Variants in SAMD7 observed in about 807,000 individuals in gnomAD.
SAMD7 encodes sterile alpha motif domain-containing protein 7.
In SAMD7, 34 loss-of-function variants were observed where a neutral mutation model predicts 36.7. The observed-to-expected ratio is 0.93, with a 90% CI of 0.71 to 1.23. SAMD7 has a LOEUF of 1.23. SAMD7 is among the 50% of genes most tolerant of loss of function. SAMD7 has a pLI of 0.00. For missense variants in SAMD7, 570 were observed against 546.6 expected, an observed-to-expected ratio of 1.04 and a Z score of -0.43; for synonymous variants, 188 against 189.7, an observed-to-expected ratio of 0.99 and a Z score of 0.07.
chr3:169,930,352 A>G (rs1247455508), intron 7 of SAMD7, among the ~76,000 whole-genome samples: 1 of 152,104 alleles, frequency 6.6e-6, no homozygotes, highest in Non-Finnish European at 1.5e-5. Flanking sequence ...CCATTAAAGT[A>G]TACTCCCTCC....
At chr3:169,929,687 T>C (rs1250458683) in intron 7 of SAMD7, among the ~76,000 whole-genome samples, 1 of 152,202 alleles carries the variant, frequency 6.6e-6, no homozygotes, top group Non-Finnish European at 1.5e-5. Context: ...TAATACATTT[T>C]CAGAGGATTT....
intron 8 of SAMD7, among the ~76,000 whole-genome samples, chr3:169,937,163 C>T (rs188302278): frequency 4.6e-4 from 70 of 152,220 alleles, no homozygotes; most frequent in African/African-American, 1.6e-3. Flanking sequence ...TTAGCCAACC[C>T]CAGCACGCCA....
chr3:169,929,757 T>C (rs1266625219), intron 7 of SAMD7, among the ~76,000 whole-genome samples: 3 of 152,220 alleles, frequency 2.0e-5, no homozygotes, highest in African/African-American at 7.2e-5. Flanking sequence ...ATTTCATCAT[T>C]ATACCCAAGA....
chr3:169,913,991 G>A (rs921058973), intron 1 of SAMD7, among the ~76,000 whole-genome samples: 4 of 152,076 alleles, frequency 2.6e-5, no homozygotes, highest in African/African-American at 9.7e-5. Flanking sequence ...AAGCAAATAG[G>A]GCAGTGCAAC....
At chr3:169,930,704 C>G (rs1234247278) in intron 7 of SAMD7, among the ~76,000 whole-genome samples, 1 of 151,606 alleles carries the variant, frequency 6.6e-6, no homozygotes, top group Non-Finnish European at 1.5e-5. Context: ...GCCTCAGCCT[C>G]CCGAGTAGCT....
intron 8 of SAMD7, among the ~76,000 whole-genome samples, 171 bp from the exon 9 acceptor site, chr3:169,938,147 T>A (rs1395946637): frequency 6.6e-6 from 1 of 152,072 alleles, no homozygotes; most frequent in Non-Finnish European, 1.5e-5. Context: ...ACACTATAAT[T>A]CTGAGAGAAA....
intron 6 of SAMD7, among the ~76,000 whole-genome samples, chr3:169,928,178 G>T (rs947984701): frequency 6.6e-6 from 1 of 152,194 alleles, no homozygotes; most frequent in African/African-American, 2.4e-5. Flanking sequence ...TTAATCTGGA[G>T]AATAGAATCC....
At chr3:169,937,894 C>T (rs1460207897) in intron 8 of SAMD7, among the ~76,000 whole-genome samples, 2 of 152,290 alleles carry the variant, frequency 1.3e-5, no homozygotes, top group East Asian at 3.9e-4. Context: ...ATTCACAAAA[C>T]AGTAAAAGTG....
chr3:169,933,904 G>A (rs939741040), intron 7 of SAMD7, among the ~76,000 whole-genome samples: 15 of 152,224 alleles, frequency 9.9e-5, no homozygotes, highest in African/African-American at 3.6e-4. Flanking sequence ...CCTCCTAAAG[G>A]AAGAGGCCTC....
intron 7 of SAMD7, among the ~76,000 whole-genome samples, chr3:169,933,897 C>T (rs748712678): frequency 2.9e-4 from 44 of 152,110 alleles, no homozygotes; most frequent in Admixed American, 1.6e-3. Flanking sequence ...CTCTTGGCCT[C>T]CTAAAGGAAG....
intron 4 of SAMD7, among the ~76,000 whole-genome samples, chr3:169,923,742 C>T (rs1713146801): frequency 6.6e-6 from 1 of 152,148 alleles, no homozygotes; most frequent in Admixed American, 6.5e-5. Flanking sequence ...AGGTCTCCAA[C>T]CTCAAGGCTG....
intron 2 of SAMD7, among the ~76,000 whole-genome samples, chr3:169,917,507 A>G (rs1178737327): frequency 6.6e-6 from 1 of 152,144 alleles, no homozygotes; most frequent in Non-Finnish European, 1.5e-5. Context: ...TGATATGGGA[A>G]TACAGTGCAT....
intron 7 of SAMD7, among the ~76,000 whole-genome samples, chr3:169,935,652 A>C (rs1457951889): frequency 6.6e-6 from 1 of 152,176 alleles, no homozygotes; most frequent in East Asian, 1.9e-4. Flanking sequence ...GTGAATATAG[A>C]AGGATTTCCA....
At position 169,919,598 on chromosome 3, in the gene SAMD7, A is replaced by G. The variant is rs1233916741; in HGVS notation, c.86+14A>G. ...AACTGTGGACAGGTATTTCTCTTCA[A>G]TATAATAGTTTGATCAAAGAACAAC... On this transcript the variant is annotated intron_variant, in intron 3 of 8. Transcript: ENST00000335556. The G allele has an allele frequency of 3.2e-5, 50 of 1,571,652 alleles. No individual in the cohort carries two copies. In the East Asian group the frequency reaches 6.5e-4, roughly 20 times the overall value.
chr3:169,933,088 AC>A, intron 7 of SAMD7: 6 of 890,100 alleles, frequency 6.7e-6, no homozygotes, highest in East Asian at 2.6e-5. Context: ...ATGGCCCATG[AC>A]CCCCTCTCCC....
intron 2 of SAMD7, among the ~76,000 whole-genome samples, chr3:169,916,608 A>C (rs1048256564): frequency 4.6e-5 from 7 of 152,242 alleles, no homozygotes; most frequent in African/African-American, 1.7e-4. Flanking sequence ...GGATCACGCC[A>C]TTGCACTCCA....
Position 169,925,053 on chromosome 3 carries a change from T to C in SAMD7, c.212-5T>C. The C allele has an allele frequency of 1.3e-6, 2 of 1,595,734 alleles. No individual in the cohort carries two copies. The highest frequency in any genetic ancestry group is 4.5e-5 in the East Asian group (2 of 44,638). On this transcript the variant is annotated splice_region_variant and splice_polypyrimidine_tract_variant and intron_variant, in intron 4 of 8. Transcript: ENST00000335556. Reference sequence around the variant, plus strand: ...TGGGGTGGGATGGTGGTTTTCTTTTTTAAGGTTGGGGCATTTTACCACCTG... The same window carrying C: ...TGGGGTGGGATGGTGGTTTTCTTTTCTAAGGTTGGGGCATTTTACCACCTG...
Position 169,926,583 on chromosome 3 carries a change from G to T in SAMD7, c.321G>T (p.Gln107His). The T allele has an allele frequency of 6.2e-7, 1 of 1,612,142 alleles. No individual in the cohort carries two copies. Among genetic ancestry groups the T allele is most frequent in the Non-Finnish European group, 8.5e-7 (1 of 1,178,776 alleles). ...AAATGGAAATGTATGCTATTTACCA[G>T]CAAAGGAGAATGGAAAAAATTAATC... ...RTEMEMYAIY[Q>H]QRRMEKINPK... Residue 107 changes from glutamine to histidine, a missense_variant, in exon 6 of 9, where the codon CAG (glutamine) becomes CAT (histidine). Transcript: ENST00000335556.
intron 3 of SAMD7, among the ~76,000 whole-genome samples, chr3:169,920,850 AC>A (rs1713012359): frequency 6.6e-6 from 1 of 152,202 alleles, no homozygotes; most frequent in South Asian, 2.1e-4. Context: ...CAGATGGTAA[AC>A]CCAACCAAAG....
Sources: gnomAD v4.1 joint callset for allele counts (sites outside exome capture counted in the v4.1 genomes callset) on GRCh38, gnomAD v4.1.1 for gene constraint, MANE v1.5 for transcripts, NCBI Gene and HGNC (gene_info 2026-07-23, HGNC 2026-07-21) for gene names.